The following NDUFAF7 variants were observed in gnomAD, a reference collection of about 807,000 sequenced individuals.
NDUFAF7 encodes protein arginine methyltransferase NDUFAF7, mitochondrial.
NDUFAF7 carries 48 observed loss-of-function variants against 47.2 expected under a neutral mutation model. That is an observed-to-expected ratio of 1.02 (90% CI 0.81 to 1.29). The LOEUF (loss-of-function observed/expected upper bound fraction) is 1.29. NDUFAF7 is among the 50% of genes most tolerant of loss of function. The pLI, the probability that NDUFAF7 is intolerant of heterozygous loss-of-function variation, is 0.00. For synonymous variants in NDUFAF7, 217 were observed against 190.0 expected (o/e 1.14, Z -1.17); for missense variants, 635 against 537.6 (o/e 1.18, Z -1.79).
chr2:37,242,965 T>C (rs1666507570), intron 6 of NDUFAF7, among the ~76,000 whole-genome samples: 1 of 152,118 alleles, frequency 6.6e-6, no homozygotes. Flanking sequence ...CTGGCTGTGG[T>C]GCAATGAAGG....
chr2:37,249,249 CTT>C (rs1345717779), downstream of NDUFAF7: 1 of 152,130 alleles, frequency 6.6e-6, no homozygotes, highest in East Asian at 1.9e-4. Flanking sequence ...TTGGAAGTGA[CTT>C]TGAGGGGCAG....
chr2:37,262,994 C>A, the NDUFAF7 span, among the ~76,000 whole-genome samples: 2 of 151,936 alleles, frequency 1.3e-5, no homozygotes, highest in African/African-American at 4.8e-5. Flanking sequence ...TCCCTTCCCC[C>A]ACACAGCAAA....
chr2:37,262,209 T>TGGCCTATGTGAG, the NDUFAF7 span, among the ~76,000 whole-genome samples: 1 of 152,216 alleles, frequency 6.6e-6, no homozygotes, highest in African/African-American at 2.4e-5. Context: ...CACATGTTTT[T>TGGCCTATGTGAG]GGCCTATGTG....
downstream of NDUFAF7, chr2:37,256,663 T>C (rs1667978842): frequency 3.2e-6 from 3 of 925,028 alleles, no homozygotes; most frequent in Non-Finnish European, 4.7e-6. Flanking sequence ...TTTTTTTACC[T>C]TCACCAGAAA....
At chr2:37,254,624 C>T (rs1667788442), downstream of NDUFAF7, among the ~76,000 whole-genome samples, 2 of 152,138 alleles carry the variant, frequency 1.3e-5, no homozygotes, top group South Asian at 4.1e-4. Flanking sequence ...CCTCAGTTTC[C>T]TCATGAAGTT....
intron 4 of NDUFAF7, 51 bp downstream of exon 4, chr2:37,237,918 T>G (rs1572540476): frequency 2.4e-6 from 3 of 1,269,256 alleles, no homozygotes; most frequent in Non-Finnish European, 3.4e-6. Flanking sequence ...ATTTTAGTAC[T>G]TCTGAGTGTG....
chr2:37,267,492 C>T, the NDUFAF7 span: 17 of 1,611,378 alleles, frequency 1.1e-5, no homozygotes, highest in African/African-American at 2.0e-4. Flanking sequence ...CTCATCTTAT[C>T]AATTACTTTA....
In NDUFAF7 at chr2:37,237,792, C is replaced by T. The variant is rs2148403495; in HGVS notation, c.333C>T (p.Ala111=). Residue 111 remains alanine, a synonymous_variant, in exon 4 of 10, where the codon GCC becomes GCT. Transcript: ENST00000002125. ...LGIWFISEWM[A]TGKSTAFQLV... is the part of the protein sequence containing the mutation. Reference sequence around the variant, plus strand: ...TATGGTTCATTAGTGAATGGATGGCCACTGGAAAAAGCACAGCTTTCCAGC... The same window carrying T: ...TATGGTTCATTAGTGAATGGATGGCTACTGGAAAAAGCACAGCTTTCCAGC... 2 of 1,613,492 alleles carry T rather than the reference C, an allele frequency of 1.2e-6. No individual in the cohort carries two copies. The highest frequency in any genetic ancestry group is 2.2e-5 in the East Asian group (1 of 44,860).
At chr2:37,254,989 T>C (rs569209415), downstream of NDUFAF7, among the ~76,000 whole-genome samples, 1 of 152,340 alleles carries the variant, frequency 6.6e-6, no homozygotes, top group South Asian at 2.1e-4. Context: ...CCCTATATAA[T>C]GGTACATTTG....
the NDUFAF7 span, chr2:37,260,302 T>G: frequency 1.2e-6 from 2 of 1,609,234 alleles, no homozygotes; most frequent in Non-Finnish European, 1.7e-6. Context: ...CATATCTCCA[T>G]GCAGCTTTTC....
intron 1 of NDUFAF7, 94 bp downstream of exon 1, chr2:37,231,854 C>G (rs1278135452): frequency 1.9e-6 from 3 of 1,589,544 alleles, no homozygotes; most frequent in Non-Finnish European, 2.6e-6. Flanking sequence ...GGATCAAGGG[C>G]TCGGGGGCTC....
At chr2:37,269,765 A>ATT in the NDUFAF7 span, 15 of 962,986 alleles carry the variant, frequency 1.6e-5, no homozygotes, top group African/African-American at 9.9e-5. Context: ...CTTCATCCAA[A>ATT]TACTTCAATA....
At position 37,237,764 on chromosome 2, in the gene NDUFAF7, G is replaced by A. The variant is rs1400573908; in HGVS notation, c.305G>A (p.Gly102Asp). The change falls in exon 4 of 10, where the codon GGT becomes GAT. Residue 102 changes from glycine (G) to aspartate (D), a missense_variant. Coordinates refer to ENST00000002125, the MANE Select transcript of NDUFAF7 (RefSeq NM_144736.5). ...EISQIFGELL[G>D]IWFISEWMAT... ...TTTTTTCCCTTTTCACAGCTACTAGGTATATGGTTCATTAGTGAATGGATG... is the reference window on the plus strand; with the variant it reads ...TTTTTTCCCTTTTCACAGCTACTAGATATATGGTTCATTAGTGAATGGATG... 2.5e-6 allele frequency: 4 copies of A among 1,601,456 alleles called. No individual in the cohort carries two copies. The highest frequency in any genetic ancestry group is 3.4e-6 in the Non-Finnish European group (4 of 1,168,794).
chr2:37,256,814 T>A (rs758124341), downstream of NDUFAF7: 3 of 1,613,856 alleles, frequency 1.9e-6, no homozygotes, highest in Non-Finnish European at 2.5e-6. Flanking sequence ...TAGGGAACGG[T>A]TGTAACCTTT....
chr2:37,245,409 T>TA (rs962470838), intron 7 of NDUFAF7, among the ~76,000 whole-genome samples: 46 of 152,370 alleles, frequency 3.0e-4, no homozygotes, highest in African/African-American at 1.1e-3. Context: ...TGTTAATACT[T>TA]AGTGTGATTT....
At chr2:37,262,827 G>A in the NDUFAF7 span, among the ~76,000 whole-genome samples, 2 of 151,948 alleles carry the variant, frequency 1.3e-5, no homozygotes, top group African/African-American at 4.8e-5. Context: ...CTTTCATTGA[G>A]AATTACCCAT....
At chr2:37,268,330 AG>A in the NDUFAF7 span, 1 of 471,152 alleles carries the variant, frequency 2.1e-6, no homozygotes, top group Non-Finnish European at 4.4e-6. Flanking sequence ...CTCTGATGAC[AG>A]GAAGTCCTCC....
chr2:37,257,063 AAG>A (rs1668012060), downstream of NDUFAF7: 1 of 1,010,946 alleles, frequency 9.9e-7, no homozygotes, highest in South Asian at 1.6e-5. Flanking sequence ...AATCACAGAT[AAG>A]GAAATTGTAA....
chr2:37,247,737 T>G, intron 9 of NDUFAF7, 108 bp downstream of exon 9: 1 of 1,308,608 alleles, frequency 7.6e-7, no homozygotes, highest in Non-Finnish European at 1.1e-6. Context: ...TAGCCAATCC[T>G]TGGTATTCCA....
Sources: gnomAD v4.1 joint callset for allele counts (sites outside exome capture counted in the v4.1 genomes callset) on GRCh38, gnomAD v4.1.1 for gene constraint, MANE v1.5 for transcripts, NCBI Gene and HGNC (gene_info 2026-07-23, HGNC 2026-07-21) for gene names.